SCN9A: variants seen among roughly 807,000 people sequenced by gnomAD.
SCN9A encodes sodium voltage-gated channel alpha subunit 9.
In SCN9A, 131 loss-of-function variants were observed where a neutral mutation model predicts 187.0. That is an observed-to-expected ratio of 0.70 (90% CI 0.61 to 0.81). The LOEUF is 0.81. Among genes scored for constraint, SCN9A ranks in the 30% least tolerant of loss-of-function variants. The probability of loss-of-function intolerance (pLI) is 0.00; values close to 1 mark genes in which losing one functional copy is unlikely to be tolerated. For synonymous variants in SCN9A, 809 were observed against 808.6 expected (o/e 1.00, Z -0.01); for missense variants, 2,252 against 2,396.6 (o/e 0.94, Z 1.26).
At chr2:166,215,829 A>G (rs986921391) in intron 24 of SCN9A, among the ~76,000 whole-genome samples, 3 of 151,756 alleles carry the variant, frequency 2.0e-5, no homozygotes, top group Admixed American at 6.6e-5. Flanking sequence ...TTAAAGAAGT[A>G]ATATGAATTC....
intron 17 of SCN9A, among the ~76,000 whole-genome samples, chr2:166,263,251 C>T (rs2106444492): frequency 6.6e-6 from 1 of 152,084 alleles, no homozygotes; most frequent in East Asian, 1.9e-4. Context: ...TCTCTCTGCC[C>T]AATAATTTTG....
intron 12 of SCN9A, 26 bp from the exon 13 acceptor site, chr2:166,281,834 TAAGAA>T (rs1215329876): frequency 6.3e-7 from 1 of 1,592,616 alleles, no homozygotes; most frequent in Non-Finnish European, 8.5e-7. Context: ...ATTAATGTCT[TAAGAA>T]CAGAATCCTA....
chr2:166,279,879 T>C (rs1697400372), intron 14 of SCN9A, among the ~76,000 whole-genome samples: 1 of 152,080 alleles, frequency 6.6e-6, no homozygotes, highest in South Asian at 2.1e-4. Context: ...AAAATATTTG[T>C]CCAAGGGCAT....
chr2:166,372,310 G>C (rs568161057), intron 1 of SCN9A, among the ~76,000 whole-genome samples: 1 of 152,120 alleles, frequency 6.6e-6, no homozygotes, highest in African/African-American at 2.4e-5. Flanking sequence ...AATTTAGACC[G>C]TGTGGAAACC....
intron 17 of SCN9A, among the ~76,000 whole-genome samples, chr2:166,269,852 G>A (rs1558996127): frequency 6.6e-6 from 1 of 152,032 alleles, no homozygotes; most frequent in African/African-American, 2.4e-5. Context: ...CTCCTGAAGT[G>A]CTTTAACACC....
intron 26 of SCN9A, among the ~76,000 whole-genome samples, chr2:166,201,085 G>A (rs1443001779): frequency 6.6e-6 from 1 of 151,552 alleles, no homozygotes; most frequent in Non-Finnish European, 1.5e-5. Flanking sequence ...TTACTGAAAT[G>A]AATATCTAAA....
intron 7 of SCN9A, among the ~76,000 whole-genome samples, chr2:166,295,476 C>T (rs997624163): frequency 6.6e-6 from 1 of 152,074 alleles, no homozygotes. Context: ...TAGCCTATTG[C>T]TCCTGGGCTG....
At chr2:166,304,011 G>T in intron 6 of SCN9A, 1 of 1,605,124 alleles carries the variant, frequency 6.2e-7, no homozygotes, top group Non-Finnish European at 8.5e-7. Context: ...GTCAGCCCTG[G>T]TGTTTAACCC....
chr2:166,284,884 A>G (rs1173741517), intron 11 of SCN9A, 60 bp from the exon 12 acceptor site: 1 of 1,488,676 alleles, frequency 6.7e-7, no homozygotes, highest in South Asian at 1.4e-5. Flanking sequence ...AGTACACTTC[A>G]TATAAATACC....
intron 1 of SCN9A, among the ~76,000 whole-genome samples, chr2:166,316,546 T>A (rs547403854): frequency 6.6e-6 from 1 of 152,176 alleles, no homozygotes; most frequent in African/African-American, 2.4e-5. Context: ...TACAAAAAAA[T>A]TAGCCAGGCA....
In SCN9A at chr2:166,220,621, T is replaced by TACCC. The variant is rs1399425712; in HGVS notation, c.4398+5945_4398+5946insGGGT. Among the ~76,000 whole-genome samples, 4 of 152,304 alleles carry TACCC rather than the reference T, an allele frequency of 2.6e-5. No homozygotes were observed. In the East Asian group the frequency reaches 7.7e-4, roughly 29 times the overall value. ...TCATTATAAATTACCCAGTCTGTGG[T>TACCC]ATTCTGTTATAGTAGCACAAATGGA... On this transcript the variant is annotated intron_variant, in intron 24 of 26. Coordinates refer to ENST00000642356, the MANE Select transcript of SCN9A (RefSeq NM_001365536.1).
rs867778784 is a variant in SCN9A at position 166,240,566 on chromosome 2, G to A, written c.3627+1936C>T. ...CTCTGAAATTCTCAGTCACATATGT[G>A]AGTCAGCATGGGATAAACCTCCTTA... is the stretch of plus-strand genomic sequence containing the variant. On this transcript the variant is annotated intron_variant, in intron 19 of 26. Coordinates refer to ENST00000642356, the MANE Select transcript of SCN9A (RefSeq NM_001365536.1). Among the ~76,000 whole-genome samples the A allele has an allele frequency of 1.3e-5, 2 of 152,278 alleles. 1 individual carries two copies. Among genetic ancestry groups the A allele is most frequent in the South Asian group, 4.1e-4 (2 of 4,824 alleles).
chr2:166,357,770 A>G (rs917217921), intron 1 of SCN9A, among the ~76,000 whole-genome samples: 3 of 152,124 alleles, frequency 2.0e-5, no homozygotes, highest in South Asian at 2.1e-4. Context: ...GCACTTCTCC[A>G]TTCTTTGGCC....
intron 1 of SCN9A, among the ~76,000 whole-genome samples, chr2:166,353,235 A>AG (rs1553504776): frequency 2.6e-5 from 4 of 151,598 alleles, no homozygotes; most frequent in African/African-American, 9.7e-5. Context: ...AAAAAAAAAA[A>AG]AGAGAAAAAA....
chr2:166,357,170 G>T (rs1700169421), intron 1 of SCN9A, among the ~76,000 whole-genome samples: 1 of 152,178 alleles, frequency 6.6e-6, no homozygotes, highest in East Asian at 1.9e-4. Context: ...GTGTCCATGT[G>T]TTCTCATCAT....
In SCN9A at chr2:166,199,273, A is replaced by G; in HGVS notation, c.5366T>C (p.Phe1789Ser). The G allele has an allele frequency of 6.2e-7, 1 of 1,614,176 alleles. No individual in the cohort carries two copies. The highest frequency in any genetic ancestry group is 8.5e-7 in the Non-Finnish European group (1 of 1,180,040). The change falls in exon 27 of 27, where the codon TTT (phenylalanine) becomes TCT (serine). Residue 1789 changes from phenylalanine (F) to serine (S), a missense_variant. Transcript: ENST00000642356. Reference protein sequence around the residue: ...FEMFYEVWEKFDPDATQFIEF... With the variant: ...FEMFYEVWEKSDPDATQFIEF... ...TATAAACTGGGTCGCATCGGGATCA[A>G]ACTTCTCCCAAACCTCATAGAACAT...
At chr2:166,271,246 G>A (rs1255594933) in intron 17 of SCN9A, among the ~76,000 whole-genome samples, 1 of 152,016 alleles carries the variant, frequency 6.6e-6, no homozygotes, top group Non-Finnish European at 1.5e-5. Flanking sequence ...AAATTAGGAG[G>A]GATGAAATAA....
At chr2:166,212,099 A>G (rs1394678523) in intron 24 of SCN9A, among the ~76,000 whole-genome samples, 1 of 152,250 alleles carries the variant, frequency 6.6e-6, no homozygotes, top group East Asian at 1.9e-4. Context: ...AGAAATGGTA[A>G]CCAAAAGAGA....
chr2:166,260,484 C>T (rs1329921236), intron 17 of SCN9A, among the ~76,000 whole-genome samples: 1 of 151,872 alleles, frequency 6.6e-6, no homozygotes, highest in Non-Finnish European at 1.5e-5. Context: ...AATGCATCCT[C>T]AATGGACTAG....
Sources: allele counts gnomAD v4.1 joint callset (sites outside exome capture counted in the v4.1 genomes callset), GRCh38; gene constraint gnomAD v4.1.1; transcripts MANE v1.5; gene names NCBI Gene and HGNC (gene_info 2026-07-23, HGNC 2026-07-21).